Variants in RIC1 observed in about 807,000 individuals in gnomAD.
RIC1 encodes the protein guanine nucleotide exchange factor subunit RIC1.
RIC1 carries 88 observed loss-of-function variants against 169.0 expected under a neutral mutation model. The observed-to-expected ratio is 0.52, with a 90% confidence interval of 0.44 to 0.62. RIC1 has a LOEUF of 0.62. RIC1 is among the 20% of genes least tolerant of loss of function. The pLI is 0.00. For missense variants in RIC1, 1,877 were observed against 1,725.5 expected, an observed-to-expected ratio of 1.09 and a Z score of -1.56; for synonymous variants, 790 against 601.5, an observed-to-expected ratio of 1.31 and a Z score of -4.59.
At chr9:5,660,052 G>A (rs1445851611) in intron 2 of RIC1, among the ~76,000 whole-genome samples, 14 of 152,028 alleles carry the variant, frequency 9.2e-5, no homozygotes. Flanking sequence ...TTTCCCCCAT[G>A]TGTCCATATG....
At chr9:5,741,776 T>G (rs1269608340) in intron 8 of RIC1, among the ~76,000 whole-genome samples, 5 of 152,212 alleles carry the variant, frequency 3.3e-5, no homozygotes, top group Non-Finnish European at 5.9e-5. Flanking sequence ...TGAGTCTGTT[T>G]CTGCCATGTC....
At chr9:5,705,598 T>C (rs886517298) in intron 3 of RIC1, among the ~76,000 whole-genome samples, 2 of 152,144 alleles carry the variant, frequency 1.3e-5, no homozygotes, top group African/African-American at 4.8e-5. Context: ...GAGAGTCCCA[T>C]TTTTTCCGTT....
At chr9:5,665,647 T>G (rs1819709628) in intron 2 of RIC1, among the ~76,000 whole-genome samples, 1 of 152,172 alleles carries the variant, frequency 6.6e-6, no homozygotes. Context: ...TTGTTGATAT[T>G]GTTGTTTTCT....
intron 3 of RIC1, among the ~76,000 whole-genome samples, chr9:5,703,719 T>C (rs1443124348): frequency 2.6e-5 from 4 of 152,254 alleles, no homozygotes; most frequent in Admixed American, 6.5e-5. Flanking sequence ...GTTTCTTTTA[T>C]GGCTGAATAA....
chr9:5,680,235 C>T (rs1270908590), intron 2 of RIC1, among the ~76,000 whole-genome samples: 2 of 152,158 alleles, frequency 1.3e-5, no homozygotes, highest in South Asian at 2.1e-4. Flanking sequence ...CTGCTGGATT[C>T]AGTTTGCCAG....
chr9:5,756,238 T>C lies in RIC1; in HGVS notation c.1719T>C (p.Asn573=). ...EELRVYLRTS[N]LDNAFAHVTK... is the part of the protein sequence containing the mutation. ...TTAGAGTATACTTGCGAACATCAAA[T>C]CTGGACAATGCCTTTGCTCATGTCA... Residue 573 remains asparagine (N), a synonymous_variant, in exon 16 of 26, where the codon AAT becomes AAC. Coordinates refer to ENST00000414202, the MANE Select transcript of RIC1 (RefSeq NM_020829.4). The C allele has an allele frequency of 6.3e-7, 1 of 1,588,582 alleles. No individual in the cohort carries two copies.
chr9:5,674,652 C>T (rs1014796561), intron 2 of RIC1, among the ~76,000 whole-genome samples: 1 of 152,172 alleles, frequency 6.6e-6, no homozygotes. Context: ...TTCACCATAT[C>T]TTATGTAAAG....
intron 1 of RIC1, among the ~76,000 whole-genome samples, chr9:5,636,824 C>A (rs774721471): frequency 6.6e-6 from 1 of 152,026 alleles, no homozygotes; most frequent in African/African-American, 2.4e-5. Flanking sequence ...TGCTTTATAT[C>A]GTAAGTTTTG....
intron 14 of RIC1, among the ~76,000 whole-genome samples, chr9:5,754,410 A>G (rs561508216): frequency 2.0e-5 from 3 of 152,232 alleles, no homozygotes; most frequent in South Asian, 4.1e-4. Context: ...ATCATTGGAG[A>G]GAGGGGGAGT....
intron 6 of RIC1, among the ~76,000 whole-genome samples, chr9:5,722,255 G>C (rs1359402407): frequency 7.1e-6 from 1 of 139,874 alleles, no homozygotes; most frequent in Non-Finnish European, 1.5e-5. Flanking sequence ...TGGAGGAAGA[G>C]ATTTTTTTTT....
At chr9:5,714,382 A>T (rs1823112115) in intron 4 of RIC1, among the ~76,000 whole-genome samples, 1 of 152,184 alleles carries the variant, frequency 6.6e-6, no homozygotes, top group East Asian at 1.9e-4. Context: ...GTTTATATAC[A>T]CTTGGAAGAA....
intron 2 of RIC1, among the ~76,000 whole-genome samples, chr9:5,660,205 A>G (rs1375086923): frequency 2.0e-5 from 3 of 152,198 alleles, no homozygotes; most frequent in African/African-American, 4.8e-5. Context: ...TTGTGGCTGC[A>G]TAGTATTCCA....
At chr9:5,759,678 A>G (rs1457298564) in intron 17 of RIC1, among the ~76,000 whole-genome samples, 2 of 152,238 alleles carry the variant, frequency 1.3e-5, no homozygotes, top group Non-Finnish European at 2.9e-5. Flanking sequence ...CTAGCATTGT[A>G]GCTATGTTAG....
intron 1 of RIC1, among the ~76,000 whole-genome samples, chr9:5,630,768 A>G (rs545014814): frequency 3.3e-5 from 5 of 152,336 alleles, no homozygotes; most frequent in African/African-American, 9.6e-5. Context: ...GTGTGTGTAT[A>G]TATATAAACA....
At chr9:5,709,057 T>C (rs1265499284) in intron 3 of RIC1, among the ~76,000 whole-genome samples, 1 of 152,170 alleles carries the variant, frequency 6.6e-6, no homozygotes, top group African/African-American at 2.4e-5. Flanking sequence ...TACACTATAT[T>C]AGTCAGCATA....
At chr9:5,659,300 G>T (rs1050236159) in intron 2 of RIC1, among the ~76,000 whole-genome samples, 20 of 151,986 alleles carry the variant, frequency 1.3e-4, no homozygotes, top group Non-Finnish European at 2.1e-4. Context: ...AATTACTGTG[G>T]CTTTGTAGTA....
At chr9:5,727,052 G>A (rs1824039544) in intron 6 of RIC1, among the ~76,000 whole-genome samples, 2 of 152,216 alleles carry the variant, frequency 1.3e-5, no homozygotes, top group South Asian at 4.1e-4. Context: ...TCTTCTCGAG[G>A]AGTATCTTTG....
At chr9:5,778,250 A>G (rs532328078), downstream of RIC1, among the ~76,000 whole-genome samples, 7 of 152,354 alleles carry the variant, frequency 4.6e-5, no homozygotes, top group South Asian at 1.0e-3. Flanking sequence ...TTGCTTCTGT[A>G]TATTGACATT....
chr9:5,640,610 G>C (rs903752332), intron 1 of RIC1, among the ~76,000 whole-genome samples: 1 of 152,186 alleles, frequency 6.6e-6, no homozygotes, highest in Admixed American at 6.5e-5. Context: ...GAATAAGAGT[G>C]TAATTGTGCT....
Sources: allele counts gnomAD v4.1 joint callset (sites outside exome capture counted in the v4.1 genomes callset), GRCh38; gene constraint gnomAD v4.1.1; transcripts MANE v1.5; gene names NCBI Gene and HGNC (gene_info 2026-07-23, HGNC 2026-07-21).